Variants in CCSER1 observed in about 807,000 individuals in gnomAD.
CCSER1 encodes coiled-coil serine rich protein 1.
In CCSER1, 41 loss-of-function variants were observed where a neutral mutation model predicts 82.0. The ratio of observed to expected loss-of-function variants is 0.50; its 90% CI spans 0.39 to 0.65. The LOEUF (loss-of-function observed/expected upper bound fraction) is 0.65. Ranked by LOEUF, CCSER1 falls within the 30% of genes least tolerant of loss-of-function variation. The pLI, the probability that CCSER1 is intolerant of heterozygous loss-of-function variation, is 0.00. For missense variants in CCSER1, 1,119 were observed against 1,064.2 expected (o/e 1.05, Z -0.72); for synonymous variants, 414 against 383.9 (o/e 1.08, Z -0.92).
chr4:90,862,190 TA>T (rs967302644), intron 8 of CCSER1, among the ~76,000 whole-genome samples: 17 of 151,828 alleles, frequency 1.1e-4, no homozygotes, highest in Non-Finnish European at 2.2e-4. Flanking sequence ...TTTAGTTATT[TA>T]TTTAAAAAAA....
intron 9 of CCSER1, 120 bp from the exon 10 acceptor site, chr4:91,085,830 C>G (rs889604515): frequency 3.0e-6 from 2 of 662,434 alleles, no homozygotes; most frequent in Non-Finnish European, 5.4e-6. Flanking sequence ...CATCTATATT[C>G]AGATCTTCTT....
intron 9 of CCSER1, among the ~76,000 whole-genome samples, chr4:91,076,738 G>T (rs1722037903): frequency 6.6e-6 from 1 of 152,116 alleles, no homozygotes; most frequent in Non-Finnish European, 1.5e-5. Flanking sequence ...TAAATACATA[G>T]AAAGGCTATG....
chr4:90,525,008 A>G lies in CCSER1; in HGVS notation c.1724+56654A>G, dbSNP rs2153627200. On this transcript the variant is annotated intron_variant, in intron 5 of 10. Coordinates refer to ENST00000509176, the MANE Select transcript of CCSER1 (RefSeq NM_001145065.2). ...GCAAATGACTGAACAATCTTACAAT[A>G]AGACCATTTCTATCAGAAAAGCTAG... 1.3e-5 allele frequency among the ~76,000 whole-genome samples: 2 copies of G among 152,302 alleles called. 1 individual carries two copies. The highest frequency in any genetic ancestry group is 2.9e-5 in the Non-Finnish European group (2 of 68,034).
intron 3 of CCSER1, among the ~76,000 whole-genome samples, chr4:90,343,395 T>C (rs1650117141): frequency 6.6e-6 from 1 of 152,092 alleles, no homozygotes; most frequent in African/African-American, 2.4e-5. Context: ...GGTGGATGGA[T>C]CATTTGAGGT....
At chr4:90,625,750 C>T (rs1335347833) in intron 5 of CCSER1, among the ~76,000 whole-genome samples, 1 of 152,054 alleles carries the variant, frequency 6.6e-6, no homozygotes, top group Admixed American at 6.6e-5. Context: ...AAAAAAATGC[C>T]ATCATCTTTT....
chr4:91,019,893 C>T (rs1025369441), intron 9 of CCSER1, among the ~76,000 whole-genome samples: 1 of 152,070 alleles, frequency 6.6e-6, no homozygotes, highest in Admixed American at 6.5e-5. Context: ...TAGACTTGCT[C>T]TTCAGTTATG....
chr4:91,167,342 T>G (rs977938517), intron 10 of CCSER1, among the ~76,000 whole-genome samples: 1 of 151,912 alleles, frequency 6.6e-6, no homozygotes, highest in Non-Finnish European at 1.5e-5. Context: ...CCTGCCACCA[T>G]GCCCAGCTAA....
chr4:91,265,811 T>A (rs1345280997), intron 10 of CCSER1, among the ~76,000 whole-genome samples: 1 of 152,122 alleles, frequency 6.6e-6, no homozygotes, highest in African/African-American at 2.4e-5. Flanking sequence ...GGAAAACGAG[T>A]AAATACAAAG....
chr4:90,591,732 C>T (rs115327422), intron 5 of CCSER1, among the ~76,000 whole-genome samples: 1,553 of 152,216 alleles, frequency 0.01, 21 homozygotes, highest in African/African-American at 0.032. Context: ...GACACATGAA[C>T]GTGTATGTTT....
chr4:90,702,177 G>T (rs1422345905), intron 6 of CCSER1, among the ~76,000 whole-genome samples: 1 of 152,074 alleles, frequency 6.6e-6, no homozygotes, highest in Non-Finnish European at 1.5e-5. Flanking sequence ...GGAGTTTTTA[G>T]CATGAAGGGC....
intron 4 of CCSER1, among the ~76,000 whole-genome samples, chr4:90,458,700 C>A (rs1380253732): frequency 6.6e-6 from 1 of 152,144 alleles, no homozygotes; most frequent in Non-Finnish European, 1.5e-5. Context: ...AAAATGAAAT[C>A]TTTAATGAAC....
intron 5 of CCSER1, among the ~76,000 whole-genome samples, chr4:90,566,151 C>A (rs1779351560): frequency 6.6e-6 from 1 of 151,920 alleles, no homozygotes; most frequent in African/African-American, 2.4e-5. Context: ...AGCCACCACA[C>A]CAAGCCACAA....
chr4:90,278,220 C>G (rs1728191116), intron 1 of CCSER1, among the ~76,000 whole-genome samples: 1 of 152,072 alleles, frequency 6.6e-6, no homozygotes, highest in African/African-American at 2.4e-5. Context: ...GACACATACA[C>G]TATTGGTGGG....
intron 4 of CCSER1, among the ~76,000 whole-genome samples, chr4:90,425,671 A>G (rs778341823): frequency 1.3e-5 from 2 of 152,162 alleles, no homozygotes; most frequent in African/African-American, 2.4e-5. Context: ...ATTGTCCACA[A>G]GGTGTGCTGA....
chr4:91,250,417 G>A (rs1740163943), intron 10 of CCSER1, among the ~76,000 whole-genome samples: 1 of 152,000 alleles, frequency 6.6e-6, no homozygotes, highest in South Asian at 2.1e-4. Context: ...AAATTAAAAT[G>A]TAGTTAAGAT....
At chr4:90,887,874 C>A (rs1399738131) in intron 8 of CCSER1, among the ~76,000 whole-genome samples, 2 of 151,776 alleles carry the variant, frequency 1.3e-5, no homozygotes, top group Non-Finnish European at 2.9e-5. Context: ...GAGCAAGACT[C>A]CATCTCAAAA....
Position 90,812,989 on chromosome 4 carries a change from G to A in CCSER1, c.2011-2773G>A, listed in dbSNP as rs547312036. On this transcript the variant is annotated intron_variant, in intron 7 of 10. Coordinates refer to ENST00000509176, the MANE Select transcript of CCSER1 (RefSeq NM_001145065.2). Reference sequence around the variant, plus strand: ...AGACAAACCATTTCATTCTGTCCCTGGCCCCTCCCAAATCTCACATTCTTG... The same window carrying A: ...AGACAAACCATTTCATTCTGTCCCTAGCCCCTCCCAAATCTCACATTCTTG... 1.5e-4 allele frequency among the ~76,000 whole-genome samples: 23 copies of A among 152,158 alleles called. 1 individual carries two copies. The South Asian group carries it at 4.4e-3, about 29-fold the overall frequency.
chr4:90,564,204 G>A (rs1779113268), intron 5 of CCSER1, among the ~76,000 whole-genome samples: 1 of 151,868 alleles, frequency 6.6e-6, no homozygotes, highest in African/African-American at 2.4e-5. Context: ...AGGCTGGAGT[G>A]CAGTTGTGTA....
chr4:91,536,206 C>T (rs1761285668), intron 10 of CCSER1, among the ~76,000 whole-genome samples: 1 of 152,090 alleles, frequency 6.6e-6, no homozygotes, highest in Admixed American at 6.6e-5. Context: ...CCTACTCATG[C>T]ATAACACAAA....
Sources: allele counts gnomAD v4.1 joint callset (sites outside exome capture counted in the v4.1 genomes callset), GRCh38; gene constraint gnomAD v4.1.1; transcripts MANE v1.5; gene names NCBI Gene and HGNC (gene_info 2026-07-23, HGNC 2026-07-21).